PMM2: variants seen among roughly 807,000 people sequenced by gnomAD.
PMM2 encodes phosphomannomutase 2.
A neutral mutation model predicts 33.2 loss-of-function variants in PMM2; 35 were observed. The ratio of observed to expected loss-of-function variants is 1.06; its 90% confidence interval spans 0.81 to 1.40. The LOEUF is 1.40. Ranked by LOEUF, PMM2 falls within the 40% of genes most tolerant of loss-of-function variation. PMM2 has a pLI of 0.00. For synonymous variants in PMM2, 153 were observed against 114.7 expected, an observed-to-expected ratio of 1.33 and a Z score of -2.13; for missense variants, 386 against 306.0, an observed-to-expected ratio of 1.26 and a Z score of -1.95.
chr16:8,806,170 TA>T, intron 3 of PMM2, 145 bp from the exon 4 acceptor site: 1 of 690,580 alleles, frequency 1.4e-6, no homozygotes, highest in Non-Finnish European at 2.6e-6. Flanking sequence ...GAGAAGGAAT[TA>T]AACAGACAGT....
At chr16:8,823,806 A>T (rs1238937966) in intron 7 of PMM2, among the ~76,000 whole-genome samples, 1 of 152,218 alleles carries the variant, frequency 6.6e-6, no homozygotes, top group Non-Finnish European at 1.5e-5. Flanking sequence ...ACCACAGTTC[A>T]GGAACCCCGT....
intron 7 of PMM2, among the ~76,000 whole-genome samples, chr16:8,825,438 G>A (rs2060761558): frequency 6.6e-6 from 1 of 151,898 alleles, no homozygotes; most frequent in Admixed American, 6.6e-5. Flanking sequence ...CGATTCTCCT[G>A]CCTCCCAAGT....
chr16:8,838,061 C>G (rs189606891), intron 7 of PMM2, among the ~76,000 whole-genome samples: 3 of 152,066 alleles, frequency 2.0e-5, no homozygotes, highest in East Asian at 3.9e-4. Flanking sequence ...GGGCTGAGTC[C>G]GAAAAGAGAG....
chr16:8,847,910 C>A lies in PMM2; in HGVS notation c.*85C>A. On this transcript the variant is annotated 3_prime_UTR_variant, in exon 8 of 8. Coordinates refer to ENST00000268261, the MANE Select transcript of PMM2 (RefSeq NM_000303.3). ...AGAGCCGAGGGTCCTCCCACACGTG[C>A]TCACCCACCCGCAGCCTAGGCAGGC... is the stretch of plus-strand genomic sequence containing the variant. The A allele has an allele frequency of 2.0e-6, 2 of 993,934 alleles. No homozygotes were observed. The highest frequency in any genetic ancestry group is 3.1e-6 in the Non-Finnish European group (2 of 637,818). 61.6% of individuals were successfully genotyped at this position (993,934 alleles called of 1,614,324 possible).
chr16:8,835,990 CT>C (rs1482267755), intron 7 of PMM2, among the ~76,000 whole-genome samples: 1 of 135,970 alleles, frequency 7.4e-6, no homozygotes, highest in Non-Finnish European at 1.6e-5. Context: ...GTGTCTCGGC[CT>C]AATAAGGGAA....
intron 7 of PMM2, among the ~76,000 whole-genome samples, chr16:8,816,415 C>A (rs1260607491): frequency 6.6e-6 from 1 of 151,674 alleles, no homozygotes; most frequent in Non-Finnish European, 1.5e-5. Flanking sequence ...CGTGAGCCAC[C>A]ACACTGGGCC....
intron 7 of PMM2, among the ~76,000 whole-genome samples, chr16:8,833,268 C>G (rs865976604): frequency 5.9e-5 from 9 of 152,106 alleles, no homozygotes; most frequent in Admixed American, 3.9e-4. Flanking sequence ...GGGAGAATTA[C>G]AAAGAACCTT....
At chr16:8,843,870 AGG>A (rs35065068) in intron 7 of PMM2, among the ~76,000 whole-genome samples, 22,584 of 151,922 alleles carry the variant, frequency 0.15, 1,724 homozygotes, top group East Asian at 0.24. Context: ...CCTGGCGAGG[AGG>A]GGAGAGGTCA....
At chr16:8,832,907 G>T in intron 7 of PMM2, 2 of 985,378 alleles carry the variant, frequency 2.0e-6, no homozygotes, top group Non-Finnish European at 2.4e-6. Flanking sequence ...AGGCCTGGCA[G>T]CCCTTCCCTC....
chr16:8,840,486 T>G (rs936734259), intron 7 of PMM2, among the ~76,000 whole-genome samples: 7 of 152,000 alleles, frequency 4.6e-5, no homozygotes, highest in Non-Finnish European at 8.8e-5. Context: ...GATGACTAGT[T>G]TTTTGGGGCT....
chr16:8,813,888 A>G (rs1306480226), intron 7 of PMM2, among the ~76,000 whole-genome samples: 2 of 112,842 alleles, frequency 1.8e-5, no homozygotes, highest in South Asian at 2.6e-4. Flanking sequence ...TTTTTCTGAG[A>G]CAGAGTCTCG....
At chr16:8,843,336 G>A (rs992821892) in intron 7 of PMM2, among the ~76,000 whole-genome samples, 8 of 152,166 alleles carry the variant, frequency 5.3e-5, no homozygotes, top group African/African-American at 1.2e-4. Context: ...CTTCCAAGGC[G>A]ATTGGGCAGC....
intron 7 of PMM2, among the ~76,000 whole-genome samples, chr16:8,840,360 A>T (rs149310522): frequency 6.6e-6 from 1 of 152,010 alleles, no homozygotes; most frequent in Non-Finnish European, 1.5e-5. Flanking sequence ...GCACCAAGAG[A>T]TATCAGCTGT....
intron 7 of PMM2, chr16:8,833,061 A>G (rs1036296556): frequency 7.8e-6 from 2 of 255,088 alleles, no homozygotes; most frequent in African/African-American, 4.6e-5. Flanking sequence ...GTCCGTGTGA[A>G]GAGACCACCA....
chr16:8,847,168 T>A (rs1431592133), intron 7 of PMM2, among the ~76,000 whole-genome samples: 1 of 152,112 alleles, frequency 6.6e-6, no homozygotes, highest in African/African-American at 2.4e-5. Context: ...CCGGCCCACG[T>A]GGGGCTGTTT....
chr16:8,831,527 C>A (rs566188750), intron 7 of PMM2, among the ~76,000 whole-genome samples: 1 of 152,200 alleles, frequency 6.6e-6, no homozygotes, highest in African/African-American at 2.4e-5. Flanking sequence ...AGAGTGGGAC[C>A]CTGTCTCAAA....
At chr16:8,822,785 A>C (rs1277607383) in intron 7 of PMM2, among the ~76,000 whole-genome samples, 2 of 152,240 alleles carry the variant, frequency 1.3e-5, no homozygotes, top group African/African-American at 4.8e-5. Flanking sequence ...ACCACTTTGC[A>C]GCTGTCTGCT....
chr16:8,802,119 G>T, intron 2 of PMM2: 1 of 555,164 alleles, frequency 1.8e-6, no homozygotes. Context: ...TGGGTACTCA[G>T]ATGTGTGAGT....
intron 7 of PMM2, among the ~76,000 whole-genome samples, chr16:8,827,719 C>CATATATATATATAT (rs60052078): frequency 1.5e-5 from 1 of 66,876 alleles, no homozygotes; most frequent in African/African-American, 6.1e-5. Context: ...TAAATGTGTG[C>CATATATATATATAT]ATATATATAT....
Sources: gnomAD v4.1 joint callset for allele counts (sites outside exome capture counted in the v4.1 genomes callset) on GRCh38, gnomAD v4.1.1 for gene constraint, MANE v1.5 for transcripts, NCBI Gene and HGNC (gene_info 2026-07-23, HGNC 2026-07-21) for gene names.